The following ANK2 variants were observed in gnomAD, a reference collection of about 807,000 sequenced individuals.
The protein encoded by ANK2 is ankyrin-2.
ANK2 carries 83 observed loss-of-function variants against 360.5 expected under a neutral mutation model. The ratio of observed to expected loss-of-function variants is 0.23; its 90% confidence interval spans 0.19 to 0.28. ANK2 has a LOEUF of 0.28. Ranked by LOEUF, ANK2 falls within the 10% of genes least tolerant of loss-of-function variation. ANK2 has a pLI of 1.00. For synonymous variants in ANK2, 1,740 were observed against 1,759.5 expected (o/e 0.99, Z 0.28); for missense variants, 4,201 against 4,795.7 (o/e 0.88, Z 3.66).
intron 1 of ANK2, among the ~76,000 whole-genome samples, chr4:113,127,077 T>A (rs953833967): frequency 3.3e-5 from 5 of 152,224 alleles, no homozygotes; most frequent in African/African-American, 1.2e-4. Flanking sequence ...AGAATGATGC[T>A]TCTTAGTTTT....
rs763704379 is a variant in ANK2 at position 113,356,650 on chromosome 4, G to C, written c.8032G>C (p.Asp2678His). Residue 2678 changes from aspartate to histidine, a missense_variant, in exon 38 of 46, where the codon GAC (aspartate) becomes CAC (histidine). Around this residue, in one of 4 missense-constraint regions of ANK2, gnomAD observed 2,642 missense variants for 2,714.5 expected, o/e 0.97. Coordinates refer to ENST00000357077, the MANE Select transcript of ANK2 (RefSeq NM_001148.6). Reference protein sequence around the residue: ...PELAQLKKGADSGLLPEPVIR... With the variant: ...PELAQLKKGAHSGLLPEPVIR... ...GTTGGCACAGCTTAAAAAAGGTGCT[G>C]ACTCAGGCCTTTTACCAGAACCAGT... The C allele has an allele frequency of 6.2e-7, 1 of 1,614,070 alleles. No homozygotes were observed. Among genetic ancestry groups the C allele is most frequent in the Non-Finnish European group, 8.5e-7 (1 of 1,179,972 alleles).
chr4:112,978,966 G>C (rs2042267471), intron 2 of ANK2, among the ~76,000 whole-genome samples: 1 of 152,070 alleles, frequency 6.6e-6, no homozygotes, highest in Admixed American at 6.5e-5. Flanking sequence ...TATTTCTCTG[G>C]GACCAGGTGT....
At chr4:112,728,740 AAAAT>A in the ANK2 span, among the ~76,000 whole-genome samples, 1 of 152,166 alleles carries the variant, frequency 6.6e-6, no homozygotes, top group Non-Finnish European at 1.5e-5. Flanking sequence ...GTGTCTCCAA[AAAAT>A]AAATAAATAA....
At chr4:112,759,526 A>G in the ANK2 span, among the ~76,000 whole-genome samples, 1 of 152,166 alleles carries the variant, frequency 6.6e-6, no homozygotes, top group Non-Finnish European at 1.5e-5. Context: ...GAATAAAGAC[A>G]GAAGTTGCAT....
chr4:112,878,718 C>G (rs2075876264), intron 1 of ANK2, among the ~76,000 whole-genome samples: 1 of 152,058 alleles, frequency 6.6e-6, no homozygotes, highest in African/African-American at 2.4e-5. Context: ...ACTACAAGCT[C>G]CGCCTCTCGT....
rs1449195597 is a variant in ANK2, at chr4:113,357,984, G to C, written c.9366G>C (p.Arg3122Ser). Residue 3122 changes from arginine to serine, a missense_variant, in exon 38 of 46, where the codon AGG (arginine) becomes AGC (serine). By Grantham distance (110) the Arg-to-Ser change is moderately radical. Coordinates refer to ENST00000357077, the MANE Select transcript of ANK2 (RefSeq NM_001148.6). ...GTGGTGCCATTGATATGACCAAAAGGTCCTATGCAGATGAAAGTTTTCACT... is the reference window on the plus strand; with the variant it reads ...GTGGTGCCATTGATATGACCAAAAGCTCCTATGCAGATGAAAGTTTTCACT... ...TRSGAIDMTK[R>S]SYADESFHFF... 1 of 1,613,926 alleles carries C rather than the reference G, an allele frequency of 6.2e-7. No homozygotes were observed. Among genetic ancestry groups the C allele is most frequent in the Admixed American group, 1.7e-5 (1 of 59,994 alleles).
At position 113,323,762 on chromosome 4, in the gene ANK2, C is replaced by T. The variant is rs1260904408; in HGVS notation, c.2900+5142C>T. The T allele has an allele frequency of 9.3e-6, 15 of 1,611,502 alleles. No homozygotes were observed. Among genetic ancestry groups the T allele is most frequent in the South Asian group, 2.2e-5 (2 of 90,758 alleles). ...TAAAGTATCTATTCTGTTGCAGCCG[C>T]GCCTCTCCATGTCTTGAACGTGACA... is the stretch of plus-strand genomic sequence containing the variant. On this transcript the variant is annotated intron_variant, in intron 26 of 45. Coordinates refer to ENST00000357077, the MANE Select transcript of ANK2 (RefSeq NM_001148.6).
chr4:113,261,025 G>GC (rs2052563132), intron 13 of ANK2, among the ~76,000 whole-genome samples: 1 of 152,202 alleles, frequency 6.6e-6, no homozygotes, highest in Admixed American at 6.5e-5. Flanking sequence ...GGAAGTCAAT[G>GC]TAGCCCTGTC....
chr4:112,897,514 G>A (rs1561002028), intron 1 of ANK2, among the ~76,000 whole-genome samples: 1 of 152,054 alleles, frequency 6.6e-6, no homozygotes, highest in Admixed American at 6.6e-5. Context: ...GAGGATTGCC[G>A]ATCAGAAATT....
chr4:113,333,375 G>A (rs2092920957), intron 29 of ANK2, among the ~76,000 whole-genome samples, 167 bp downstream of exon 29: 1 of 151,762 alleles, frequency 6.6e-6, no homozygotes, highest in Admixed American at 6.6e-5. Context: ...CTTTGCTCCT[G>A]TAGTGATGAG....
Position 113,242,130 on chromosome 4 carries a change from A to G in ANK2, c.812A>G (p.His271Arg). The change falls in exon 9 of 46, where the codon CAT becomes CGT. Residue 271 changes from histidine (H) to arginine (R), a missense_variant. By Grantham distance (29) the His-to-Arg change is conservative. This residue lies in a region of ANK2 where 122 missense variants were observed against 239.3 expected (regional missense o/e 0.51). Transcript: ENST00000357077. ...FTARNGITPL[H>R]VASKRGNTNM... is the part of the protein sequence containing the mutation. Reference sequence around the variant, plus strand: ...GTGTAGAATGGAATCACTCCTCTGCATGTGGCTTCCAAAAGAGGAAATACA... The same window carrying G: ...GTGTAGAATGGAATCACTCCTCTGCGTGTGGCTTCCAAAAGAGGAAATACA... 1 of 1,613,978 alleles carries G rather than the reference A, an allele frequency of 6.2e-7. No individual in the cohort carries two copies. The highest frequency in any genetic ancestry group is 8.5e-7 in the Non-Finnish European group (1 of 1,179,898).
At chr4:113,321,177 A>C (rs2086027758) in intron 26 of ANK2, among the ~76,000 whole-genome samples, 1 of 152,242 alleles carries the variant, frequency 6.6e-6, no homozygotes, top group South Asian at 2.1e-4. Flanking sequence ...GATGAGTGTT[A>C]TATTATTGAT....
At chr4:112,982,697 C>T (rs2043473607) in intron 2 of ANK2, among the ~76,000 whole-genome samples, 1 of 152,092 alleles carries the variant, frequency 6.6e-6, no homozygotes, top group Admixed American at 6.5e-5. Context: ...CTCATGTGAC[C>T]AATCAATCCC....
At chr4:112,855,444 G>A (rs1211049249) in intron 1 of ANK2, among the ~76,000 whole-genome samples, 4 of 152,192 alleles carry the variant, frequency 2.6e-5, no homozygotes, top group Admixed American at 1.3e-4. Context: ...GGTTGCATAG[G>A]TTTTTGAGAG....
At chr4:112,982,390 T>C (rs2154272429) in intron 2 of ANK2, among the ~76,000 whole-genome samples, 1 of 152,340 alleles carries the variant, frequency 6.6e-6, no homozygotes, top group South Asian at 2.1e-4. Flanking sequence ...ATGTAATCTG[T>C]ATGAAGAATA....
rs1244743425 is a variant in ANK2 at position 113,354,633 on chromosome 4, A to G, written c.6015A>G (p.Lys2005=). 2 of 1,614,164 alleles carry G rather than the reference A, an allele frequency of 1.2e-6. No individual in the cohort carries two copies. The highest frequency in any genetic ancestry group is 3.3e-5 in the Admixed American group (2 of 60,022). ...TCCAGTCAGGTCAGGACCCTTCTAA[A>G]CATAAAACTGGACTCTTTGAGCACA... ...KAFQSGQDPS[K]HKTGLFEHKS... The change falls in exon 38 of 46, where the codon AAA becomes AAG. Residue 2005 remains lysine, a synonymous_variant. Transcript: ENST00000357077.
the ANK2 span, among the ~76,000 whole-genome samples, chr4:112,811,037 G>A: frequency 2.0e-5 from 3 of 150,964 alleles, no homozygotes; most frequent in African/African-American, 7.3e-5. Flanking sequence ...CTGGGTTCAC[G>A]CCATTCTCCT....
Position 113,345,912 on chromosome 4 carries a change from A to G in ANK2, c.4261A>G (p.Thr1421Ala). Residue 1421 changes from threonine (T) to alanine (A), a missense_variant, in exon 35 of 46, where the codon ACT (threonine) becomes GCT (alanine). Coordinates refer to ENST00000357077, the MANE Select transcript of ANK2 (RefSeq NM_001148.6). ...TTTCTTGTTCAAGGTACGCGATACG[A>G]CTCAGGAACCTTGCGGACGACTATC... ...LPLFVKVRDT[T>A]QEPCGRLSFM... 1 of 1,613,560 alleles carries G rather than the reference A, an allele frequency of 6.2e-7. No individual in the cohort carries two copies. Among genetic ancestry groups the G allele is most frequent in the Non-Finnish European group, 8.5e-7 (1 of 1,179,586 alleles).
At chr4:113,150,718 G>C (rs1218347391) in intron 1 of ANK2, among the ~76,000 whole-genome samples, 2 of 152,142 alleles carry the variant, frequency 1.3e-5, no homozygotes, top group African/African-American at 4.8e-5. Context: ...AAGCATTATG[G>C]GAAGTTCACA....
Sources: allele counts gnomAD v4.1 joint callset (sites outside exome capture counted in the v4.1 genomes callset), GRCh38; gene constraint gnomAD v4.1.1; regional missense constraint gnomAD v4.1.1; transcripts MANE v1.5; gene names NCBI Gene and HGNC (gene_info 2026-07-23, HGNC 2026-07-21).